DACH1: variants seen among roughly 807,000 people sequenced by gnomAD.
The protein encoded by DACH1 is dachshund family transcription factor 1.
Under a neutral mutation model 54.2 loss-of-function variants are expected in DACH1, and 12 were observed. That is an observed-to-expected ratio of 0.22 (90% CI 0.14 to 0.36). DACH1 has a LOEUF of 0.36. Among genes scored for constraint, DACH1 ranks in the 10% least tolerant of loss-of-function variants. The pLI, the probability that DACH1 is intolerant of heterozygous loss-of-function variation, is 1.00. For synonymous variants in DACH1, 386 were observed against 366.2 expected (o/e 1.05, Z -0.62); for missense variants, 805 against 929.8 (o/e 0.87, Z 1.75).
At chr13:71,795,786 G>A (rs1168333616) in intron 1 of DACH1, among the ~76,000 whole-genome samples, 1 of 152,130 alleles carries the variant, frequency 6.6e-6, no homozygotes, top group Non-Finnish European at 1.5e-5. Context: ...CATCTCTAAT[G>A]TGAGCACTAT....
intron 10 of DACH1, among the ~76,000 whole-genome samples, chr13:71,443,314 C>T: frequency 6.6e-6 from 1 of 151,780 alleles, no homozygotes; most frequent in East Asian, 1.9e-4. Flanking sequence ...CTTTTCAGGA[C>T]TGGGAGTGGT....
chr13:71,766,202 C>G (rs1264675902), intron 1 of DACH1, among the ~76,000 whole-genome samples: 2 of 152,096 alleles, frequency 1.3e-5, no homozygotes, highest in Non-Finnish European at 2.9e-5. Context: ...AGATTATTTA[C>G]TATTTCCCCT....
intron 10 of DACH1, among the ~76,000 whole-genome samples, chr13:71,463,091 G>A (rs1876241989): frequency 6.6e-6 from 1 of 151,930 alleles, no homozygotes; most frequent in Admixed American, 6.6e-5. Flanking sequence ...ATTGACACTA[G>A]ACTATTACTC....
At chr13:71,806,607 G>A (rs146486230) in intron 1 of DACH1, among the ~76,000 whole-genome samples, 209 of 152,258 alleles carry the variant, frequency 1.4e-3, no homozygotes, top group Non-Finnish European at 2.5e-3. Context: ...ACTTGTTAAT[G>A]TCATTCTAAT....
chr13:71,481,041 G>A (rs140217501), intron 7 of DACH1, among the ~76,000 whole-genome samples: 5 of 152,180 alleles, frequency 3.3e-5, no homozygotes, highest in Admixed American at 2.0e-4. Context: ...CTTCTTCTTC[G>A]TCAGGAACAA....
chr13:71,670,380 T>C (rs1880137187), intron 2 of DACH1, among the ~76,000 whole-genome samples: 1 of 152,170 alleles, frequency 6.6e-6, no homozygotes. Flanking sequence ...ATTTTTAAGG[T>C]CTACTACCAT....
intron 1 of DACH1, among the ~76,000 whole-genome samples, chr13:71,818,834 A>G (rs942999364): frequency 6.6e-6 from 1 of 152,176 alleles, no homozygotes; most frequent in Non-Finnish European, 1.5e-5. Flanking sequence ...TGTGTCTATC[A>G]ATATATAGCA....
intron 1 of DACH1, among the ~76,000 whole-genome samples, chr13:71,777,178 C>G (rs1196585507): frequency 6.6e-6 from 1 of 151,224 alleles, no homozygotes; most frequent in Non-Finnish European, 1.5e-5. Context: ...ACATTTCCAC[C>G]TTCTTCTTCT....
chr13:71,830,460 G>A (rs1888542933), intron 1 of DACH1, among the ~76,000 whole-genome samples: 1 of 151,928 alleles, frequency 6.6e-6, no homozygotes, highest in African/African-American at 2.4e-5. Flanking sequence ...CTGTCGTAGT[G>A]CTTTTAGCAG....
rs78263681 is a variant in DACH1, at chr13:71,649,667, G to A, written c.965-18950C>T. On this transcript the variant is annotated intron_variant, in intron 2 of 10. Coordinates refer to ENST00000613252, the MANE Select transcript of DACH1 (RefSeq NM_080759.6). ...CTAAATTTTAATTCATGTTGTAATG[G>A]AAAGGAAAATAAACAAATATTGCAA... 5.6e-3 allele frequency among the ~76,000 whole-genome samples: 857 copies of A among 152,158 alleles called. 7 individuals are homozygous for A. Among genetic ancestry groups the A allele is most frequent in the East Asian group, 0.03 (155 of 5,182 alleles).
intron 6 of DACH1, among the ~76,000 whole-genome samples, chr13:71,522,105 T>G (rs1881642624): frequency 6.6e-6 from 1 of 152,146 alleles, no homozygotes; most frequent in African/African-American, 2.4e-5. Flanking sequence ...TAATGGAACA[T>G]AAAGCATATT....
At chr13:71,822,530 G>T (rs1353602638) in intron 1 of DACH1, among the ~76,000 whole-genome samples, 3 of 152,120 alleles carry the variant, frequency 2.0e-5, no homozygotes, top group African/African-American at 7.2e-5. Flanking sequence ...AAGTTGCAAT[G>T]AATGTGGAAA....
At chr13:71,606,862 AT>A (rs1333904752) in intron 3 of DACH1, among the ~76,000 whole-genome samples, 2 of 152,154 alleles carry the variant, frequency 1.3e-5, no homozygotes, top group East Asian at 3.9e-4. Context: ...CTGCACTGTA[AT>A]AAATGTATGA....
intron 2 of DACH1, among the ~76,000 whole-genome samples, chr13:71,636,003 C>T (rs1877464736): frequency 6.6e-6 from 1 of 152,012 alleles, no homozygotes; most frequent in South Asian, 2.1e-4. Context: ...AGGCTGGTCT[C>T]GAACTCCTGA....
chr13:71,547,138 G>A (rs1164699392), intron 6 of DACH1, among the ~76,000 whole-genome samples: 1 of 151,992 alleles, frequency 6.6e-6, no homozygotes, highest in African/African-American at 2.4e-5. Flanking sequence ...AAAGGTCTGA[G>A]GTTATTATGA....
chr13:71,644,253 C>T (rs1878119348), intron 2 of DACH1, among the ~76,000 whole-genome samples: 1 of 152,064 alleles, frequency 6.6e-6, no homozygotes, highest in African/African-American at 2.4e-5. Flanking sequence ...ATCAGAAATG[C>T]TAGTAGCAAA....
At chr13:71,859,166 C>T (rs1874193272) in intron 1 of DACH1, among the ~76,000 whole-genome samples, 1 of 151,760 alleles carries the variant, frequency 6.6e-6, no homozygotes, top group Non-Finnish European at 1.5e-5. Context: ...AGCTTGAAAT[C>T]CTGGATCAAT....
intron 10 of DACH1, among the ~76,000 whole-genome samples, chr13:71,460,467 T>C (rs1265001670): frequency 6.6e-6 from 1 of 152,088 alleles, no homozygotes; most frequent in Non-Finnish European, 1.5e-5. Context: ...ATTTGTTCTA[T>C]TGTTTAACAT....
intron 1 of DACH1, among the ~76,000 whole-genome samples, chr13:71,725,448 TAAAG>T (rs1461849409): frequency 6.6e-6 from 1 of 152,098 alleles, no homozygotes; most frequent in Non-Finnish European, 1.5e-5. Flanking sequence ...CATTTAATAT[TAAAG>T]TAAAATGCCC....
Sources: gnomAD v4.1 joint callset for allele counts (sites outside exome capture counted in the v4.1 genomes callset) on GRCh38, gnomAD v4.1.1 for gene constraint, MANE v1.5 for transcripts, NCBI Gene and HGNC (gene_info 2026-07-23, HGNC 2026-07-21) for gene names.